The following FAM110A variants were observed in gnomAD, a reference collection of about 807,000 sequenced individuals.
FAM110A encodes the protein family with sequence similarity 110 member A.
In FAM110A, 1 loss-of-function variant was observed where a neutral mutation model predicts 4.0. The observed-to-expected ratio is 0.25, with a 90% CI of 0.09 to 1.20. FAM110A has a LOEUF of 1.20. Among genes scored for constraint, FAM110A ranks in the 50% most tolerant of loss-of-function variants. The probability of loss-of-function intolerance (pLI) is 0.50; values close to 1 mark genes in which losing one functional copy is unlikely to be tolerated. For missense variants in FAM110A, 436 were observed against 429.2 expected (o/e 1.02, Z -0.14); for synonymous variants, 217 against 196.8 (o/e 1.10, Z -0.86).
chr20:839,327 A>G, intron 1 of FAM110A: 2 of 434,858 alleles, frequency 4.6e-6, no homozygotes, highest in Non-Finnish European at 8.8e-6. Flanking sequence ...TGAGGATTAA[A>G]TTAGTTAACA....
intron 1 of FAM110A, among the ~76,000 whole-genome samples, chr20:837,728 A>G (rs1979656863): frequency 6.6e-6 from 1 of 152,180 alleles, no homozygotes; most frequent in Non-Finnish European, 1.5e-5. Flanking sequence ...CAGCAGAACC[A>G]GTGTGTGCAG....
intron 1 of FAM110A, chr20:839,455 G>T (rs893749866): frequency 1.8e-5 from 14 of 757,500 alleles, no homozygotes; most frequent in Non-Finnish European, 3.4e-5. Context: ...TTTTATTGAG[G>T]TGGCTGACCA....
intron 1 of FAM110A, among the ~76,000 whole-genome samples, chr20:836,988 G>A (rs1979606209): frequency 6.7e-6 from 1 of 148,418 alleles, no homozygotes; most frequent in Non-Finnish European, 1.5e-5. Flanking sequence ...ATCTTTTCCT[G>A]TGCCTGTTGG....
chr20:844,675 CTTT>C (rs879111452), intron 1 of FAM110A, 30 bp from the exon 2 acceptor site: 107 of 1,123,766 alleles, frequency 9.5e-5, no homozygotes, highest in South Asian at 1.8e-4. Context: ...GCGCGCTCGG[CTTT>C]TTTTTTTTTT....
chr20:837,476 T>G (rs1337875864), intron 1 of FAM110A, among the ~76,000 whole-genome samples: 1 of 152,216 alleles, frequency 6.6e-6, no homozygotes, highest in Non-Finnish European at 1.5e-5. Flanking sequence ...TCTATTTGGT[T>G]GAATAGTTAT....
Position 844,666 on chromosome 20 carries a change from C to T in FAM110A, c.-97-42C>T, listed in dbSNP as rs1418910520. On this transcript the variant is annotated intron_variant, in intron 1 of 1. Transcript: ENST00000381941. ...CCGCGGCTGAGCCTCTTTGTCTGAG[C>T]GCGCTCGGCTTTTTTTTTTTTTTCT... 15 of 1,289,654 alleles carry T rather than the reference C, an allele frequency of 1.2e-5. No individual in the cohort carries two copies. In the South Asian group the frequency reaches 2.5e-4, roughly 22 times the overall value. 79.9% of individuals were successfully genotyped at this position (1,289,654 alleles called of 1,614,324 possible).
intron 1 of FAM110A, 95 bp from the exon 2 acceptor site, chr20:844,613 T>G: frequency 1.2e-6 from 1 of 849,384 alleles, no homozygotes; most frequent in East Asian, 3.3e-5. Flanking sequence ...CTCTACCTTA[T>G]AATAGGGAGG....
chr20:844,695 T>C lies in FAM110A; in HGVS notation c.-97-13T>C, dbSNP rs1369550977. 5.5e-6 allele frequency: 7 copies of C among 1,261,484 alleles called. No individual in the cohort carries two copies. Among genetic ancestry groups the C allele is most frequent in the African/African-American group, 3.1e-5 (2 of 63,696 alleles). The allele number at this position is 1,261,484 out of a possible 1,614,324, so 78.1% of individuals were successfully genotyped here. On this transcript the variant is annotated splice_polypyrimidine_tract_variant and intron_variant, in intron 1 of 1. Coordinates refer to ENST00000381941, the MANE Select transcript of FAM110A (RefSeq NM_001042353.3). ...CTCGGCTTTTTTTTTTTTTTCTCTC[T>C]CCTTCCCTGCAGCAGTGGCCGGTGT...
intron 1 of FAM110A, among the ~76,000 whole-genome samples, chr20:842,271 G>T (rs978209642): frequency 1.2e-4 from 19 of 152,066 alleles, no homozygotes; most frequent in Non-Finnish European, 2.5e-4. Flanking sequence ...CCCCGCCAGA[G>T]GGGACCTCAG....
intron 1 of FAM110A, among the ~76,000 whole-genome samples, chr20:835,196 C>CTATATATA (rs1479779616): frequency 2.2e-4 from 27 of 125,494 alleles, no homozygotes; most frequent in African/African-American, 7.8e-4. Flanking sequence ...CTCTCTCTCT[C>CTATATATA]TCTCTATATA....
rs139752871 is a variant in FAM110A, at chr20:844,964, G to T, written c.160G>T (p.Val54Phe). ...ERLEADKAKY[V>F]KSLHVANTRQ... Reference sequence around the variant, plus strand: ...CCTGGAGGCCGACAAGGCCAAGTACGTCAAGAGCCTGCACGTGGCCAACAC... The same window carrying T: ...CCTGGAGGCCGACAAGGCCAAGTACTTCAAGAGCCTGCACGTGGCCAACAC... Residue 54 changes from valine (V) to phenylalanine (F), a missense_variant, in exon 2 of 2, where the codon GTC (valine) becomes TTC (phenylalanine). Physicochemically the swap from Val to Phe is conservative, Grantham distance 50. Transcript: ENST00000381941. 1 of 1,595,246 alleles carries T rather than the reference G, an allele frequency of 6.3e-7. No individual in the cohort carries two copies. The highest frequency in any genetic ancestry group is 1.3e-5 in the African/African-American group (1 of 74,404).
chr20:845,180 A>C lies in FAM110A; in HGVS notation c.376A>C (p.Thr126Pro). 1 of 1,562,414 alleles carries C rather than the reference A, an allele frequency of 6.4e-7. No homozygotes were observed. Among genetic ancestry groups the C allele is most frequent in the Admixed American group, 1.8e-5 (1 of 54,946 alleles). Reference protein sequence around the residue: ...SPVSPAEASRTPGRAEGAGRP... With the variant: ...SPVSPAEASRPPGRAEGAGRP... Reference sequence around the variant, plus strand: ...CGTGTCCCCTGCCGAGGCCAGCCGCACTCCTGGACGGGCCGAGGGAGCCGG... The same window carrying C: ...CGTGTCCCCTGCCGAGGCCAGCCGCCCTCCTGGACGGGCCGAGGGAGCCGG... The change falls in exon 2 of 2, where the codon ACT (threonine) becomes CCT (proline). Residue 126 changes from threonine to proline, a missense_variant. Physicochemically the swap from Thr to Pro is conservative, Grantham distance 38 (BLOSUM62 -1). Coordinates refer to ENST00000381941, the MANE Select transcript of FAM110A (RefSeq NM_001042353.3).
At chr20:843,148 A>T (rs6055271) in intron 1 of FAM110A, among the ~76,000 whole-genome samples, 46,920 of 151,750 alleles carry the variant, frequency 0.31, 7,964 homozygotes, top group African/African-American at 0.45. Flanking sequence ...GAGAAACAGG[A>T]CGTGGTATTG....
intron 1 of FAM110A, among the ~76,000 whole-genome samples, chr20:844,249 CA>C (rs901635836): frequency 2.0e-5 from 3 of 152,176 alleles, no homozygotes; most frequent in African/African-American, 4.8e-5. Flanking sequence ...TTTTGGTGGT[CA>C]GGGGCAGAGC....
At position 834,237 on chromosome 20, in the gene FAM110A, C is replaced by T. The variant is rs1267941616; in HGVS notation, c.-98+286C>T. Reference sequence around the variant, plus strand: ...TTTCCCAGCGTTTTATCGGCAGGGACCTGTAGACCCCTGGCTGGATCACAT... The same window carrying T: ...TTTCCCAGCGTTTTATCGGCAGGGATCTGTAGACCCCTGGCTGGATCACAT... On this transcript the variant is annotated intron_variant, in intron 1 of 1. Transcript: ENST00000381941. This position sits in a 1 kb window ranked among gnomAD's most constrained non-coding sequence, Gnocchi z 5.6. Among the ~76,000 whole-genome samples the T allele has an allele frequency of 2.0e-5, 3 of 152,192 alleles. No individual in the cohort carries two copies. The highest frequency in any genetic ancestry group is 4.4e-5 in the Non-Finnish European group (3 of 68,036).
At chr20:844,107 G>A (rs980968201) in intron 1 of FAM110A, among the ~76,000 whole-genome samples, 8 of 152,222 alleles carry the variant, frequency 5.3e-5, no homozygotes, top group African/African-American at 1.7e-4. Flanking sequence ...GATGGCACAG[G>A]GCAGCTTCCT....
rs750248681 is a variant in FAM110A at position 845,110 on chromosome 20, G to C, written c.306G>C (p.Leu102=). The change falls in exon 2 of 2, where the codon CTG becomes CTC. Residue 102 remains leucine (L), a synonymous_variant. Coordinates refer to ENST00000381941, the MANE Select transcript of FAM110A (RefSeq NM_001042353.3). ...CTGGCCCCTGCCGACGGCCCCAGCT[G>C]GACCTGGACATCCTCAGCAGCCTCA... is the stretch of plus-strand genomic sequence containing the variant. The part of the protein sequence containing the change: ...ALPGPCRRPQ[L]DLDILSSLID... The C allele has an allele frequency of 6.3e-7, 1 of 1,592,078 alleles. No individual in the cohort carries two copies. The highest frequency in any genetic ancestry group is 8.5e-7 in the Non-Finnish European group (1 of 1,170,640).
In FAM110A at chr20:845,222, A is replaced by C. The variant is rs970569582; in HGVS notation, c.418A>C (p.Thr140Pro). 6.5e-7 allele frequency: 1 copy of C among 1,530,874 alleles called. No homozygotes were observed. The highest frequency in any genetic ancestry group is 8.8e-7 in the Non-Finnish European group (1 of 1,142,136). 94.8% of individuals were successfully genotyped at this position (1,530,874 alleles called of 1,614,324 possible). Reference protein sequence around the residue: ...AEGAGRPPPATPPRPPPSTSA... With the variant: ...AEGAGRPPPAPPPRPPPSTSA... ...GGGAGCCGGCCGTCCTCCCCCAGCC[A>C]CCCCTCCGCGACCGCCGCCCAGTAC... The change falls in exon 2 of 2, where the codon ACC becomes CCC. Residue 140 changes from threonine (T) to proline (P), a missense_variant. Coordinates refer to ENST00000381941, the MANE Select transcript of FAM110A (RefSeq NM_001042353.3).
rs199777938 is a variant in FAM110A at position 838,327 on chromosome 20, GA to G, written c.-98+4381del. On this transcript the variant is annotated intron_variant, in intron 1 of 1. Transcript: ENST00000381941. ...TCTTCTCTCTTTCTTACTGATATAA[GA>G]AAAAGCTTTATACATTTAATATATA... 1.1e-3 allele frequency among the ~76,000 whole-genome samples: 173 copies of G among 152,096 alleles called. No individual in the cohort carries two copies. In the East Asian group the frequency reaches 0.028, roughly 25 times the overall value.
Sources: allele counts gnomAD v4.1 joint callset (sites outside exome capture counted in the v4.1 genomes callset), GRCh38; gene constraint gnomAD v4.1.1; non-coding constraint Gnocchi (gnomAD v3.1); transcripts MANE v1.5; gene names NCBI Gene and HGNC (gene_info 2026-07-23, HGNC 2026-07-21).